The following ZNF442 variants were observed in gnomAD, a reference collection of about 807,000 sequenced individuals.
ZNF442 encodes zinc finger protein 442.
A neutral mutation model predicts 57.0 loss-of-function variants in ZNF442; 45 were observed. That is an observed-to-expected ratio of 0.79 (90% CI 0.62 to 1.01). The LOEUF is 1.01. ZNF442 is among the 50% of genes least tolerant of loss of function. ZNF442 has a pLI of 0.00. For synonymous variants in ZNF442, 213 were observed against 241.8 expected (o/e 0.88, Z 1.10); for missense variants, 690 against 756.5 (o/e 0.91, Z 1.03).
rs540126364 is a variant in ZNF442, at chr19:12,347,186, A to C, written c.*2515T>G. 3 of 152,294 alleles carry C rather than the reference A, an allele frequency of 2.0e-5. No individual in the cohort carries two copies. In the East Asian group the frequency reaches 5.8e-4, roughly 29 times the overall value. The allele number at this position is 152,294 out of a possible 1,614,324, so 9.4% of individuals were successfully genotyped here. On this transcript the variant is annotated 3_prime_UTR_variant, in exon 6 of 6. Transcript: ENST00000242804. Reference sequence around the variant, plus strand: ...GTTATTCTCATGAATACTTCAATGAAACAGCTCTTATCAAGGCCCCCAGTG... The same window carrying C: ...GTTATTCTCATGAATACTTCAATGACACAGCTCTTATCAAGGCCCCCAGTG...
Position 12,349,984 on chromosome 19 carries a change from T to G in ZNF442, c.1601A>C (p.His534Pro). 1 of 1,614,230 alleles carries G rather than the reference T, an allele frequency of 6.2e-7. No homozygotes were observed. The highest frequency in any genetic ancestry group is 8.5e-7 in the Non-Finnish European group (1 of 1,180,030). Reference sequence around the variant, plus strand: ...CTTCTCTCCAGTGTGAATCCTTTCATGGACTTTTAAGTTACCAAAATGACT... The same window carrying G: ...CTTCTCTCCAGTGTGAATCCTTTCAGGGACTTTTAAGTTACCAAAATGACT... ...AFSHFGNLKVHERIHTGEKPY... is the reference protein window; with the variant it reads ...AFSHFGNLKVPERIHTGEKPY... The change falls in exon 6 of 6, where the codon CAT (histidine) becomes CCT (proline). Residue 534 changes from histidine (H) to proline (P), a missense_variant. His to Pro is a moderately conservative substitution (Grantham distance 77). Transcript: ENST00000242804.
At chr19:12,353,665 G>A (rs1180995160) in intron 3 of ZNF442, among the ~76,000 whole-genome samples, 2 of 152,152 alleles carry the variant, frequency 1.3e-5, no homozygotes, top group African/African-American at 4.8e-5. Flanking sequence ...AGCAGTGGGA[G>A]CATAGCTGAT....
rs1163253416 is a variant in ZNF442, at chr19:12,349,492, T to C, written c.*209A>G. 2.1e-6 allele frequency: 1 copy of C among 475,362 alleles called. No homozygotes were observed. The highest frequency in any genetic ancestry group is 2.0e-5 in the African/African-American group (1 of 51,202). 29.4% of individuals were successfully genotyped at this position (475,362 alleles called of 1,614,324 possible). A position where few individuals can be genotyped will look rare whatever the true frequency, so the allele number is the denominator to read the frequency against. Reference sequence around the variant, plus strand: ...AGGATGTGGATAGGTTACATGCAAATGTCCTTTTATAAAAGGAACACAGCA... The same window carrying C: ...AGGATGTGGATAGGTTACATGCAAACGTCCTTTTATAAAAGGAACACAGCA... On this transcript the variant is annotated 3_prime_UTR_variant, in exon 6 of 6. Transcript: ENST00000242804.
At chr19:12,371,315 C>T in the ZNF442 span, among the ~76,000 whole-genome samples, 18 of 152,268 alleles carry the variant, frequency 1.2e-4, no homozygotes, top group East Asian at 3.3e-3. Context: ...CACACACACA[C>T]TCACAATCTA....
In ZNF442 at chr19:12,355,160, G is replaced by A. The variant is rs573986191; in HGVS notation, c.79-2046C>T. 5.3e-5 allele frequency among the ~76,000 whole-genome samples: 8 copies of A among 151,218 alleles called. No individual in the cohort carries two copies. The East Asian group carries it at 1.2e-3, about 23-fold the overall frequency. ...CAAAAAACTAGCCGGGCGTGGTGGC[G>A]GGCACCTGTAGTCCCAGCTACTCGG... is the stretch of plus-strand genomic sequence containing the variant. On this transcript the variant is annotated intron_variant, in intron 3 of 5. Transcript: ENST00000242804.
chr19:12,350,050 G>C lies in ZNF442; in HGVS notation c.1535C>G (p.Ala512Gly), dbSNP rs1969192416. 1 of 1,613,494 alleles carries C rather than the reference G, an allele frequency of 6.2e-7. No homozygotes were observed. Among genetic ancestry groups the C allele is most frequent in the Non-Finnish European group, 8.5e-7 (1 of 1,179,952 alleles). ...YLSQHRRTHM[A>G]EKPYECKTCK... The stretch of plus-strand genomic sequence containing the variant: ...TGTTTTACATTCATAAGGTTTTTCA[G>C]CCATGTGAGTCCTTCTATGTTGAGA... Residue 512 changes from alanine to glycine, a missense_variant, in exon 6 of 6, where the codon GCT becomes GGT. Ala to Gly is a moderately conservative substitution (Grantham distance 60). Transcript: ENST00000242804.
rs924644194 is a variant in ZNF442 at position 12,351,474 on chromosome 19, C to T, written c.267-156G>A. On this transcript the variant is annotated intron_variant, in intron 5 of 5. Transcript: ENST00000242804. The stretch of plus-strand genomic sequence containing the variant: ...GGACTGAATGTTGTACAAGATAACT[C>T]GACCCCAGCTGTTTTCTTGACAATG... 3.3e-5 allele frequency among the ~76,000 whole-genome samples: 5 copies of T among 152,232 alleles called. No homozygotes were observed. In the South Asian group the frequency reaches 6.2e-4, roughly 19 times the overall value.
At chr19:12,361,680 CT>C (rs1462139028) in intron 3 of ZNF442, among the ~76,000 whole-genome samples, 3 of 148,580 alleles carry the variant, frequency 2.0e-5, no homozygotes, top group East Asian at 4.0e-4. Flanking sequence ...CCCCCTCCCC[CT>C]CTGCCTCCCC....
chr19:12,370,740 C>T (rs140070777), upstream of ZNF442, among the ~76,000 whole-genome samples: 445 of 152,014 alleles, frequency 2.9e-3, 2 homozygotes, highest in South Asian at 4.4e-3. Context: ...CTTGGCAGGC[C>T]GAGGCAGGTG....
intron 5 of ZNF442, 131 bp downstream of exon 5, chr19:12,351,879 T>C: frequency 1.4e-6 from 1 of 704,488 alleles, no homozygotes; most frequent in Non-Finnish European, 2.3e-6. Flanking sequence ...TATATGTTTC[T>C]GGAGAAAATT....
At chr19:12,359,499 T>C (rs1969388506) in intron 3 of ZNF442, among the ~76,000 whole-genome samples, 1 of 152,236 alleles carries the variant, frequency 6.6e-6, no homozygotes, top group South Asian at 2.1e-4. Flanking sequence ...TATGATTAGC[T>C]GAGCAGTTTT....
chr19:12,359,915 T>C (rs1599592525), intron 3 of ZNF442, among the ~76,000 whole-genome samples: 1 of 151,702 alleles, frequency 6.6e-6, no homozygotes, highest in Non-Finnish European at 1.5e-5. Context: ...GAGGTGGAGG[T>C]TGCAGTGAGC....
rs1287539581 is a variant in ZNF442, at chr19:12,348,557, C to T, written c.*1144G>A. On this transcript the variant is annotated 3_prime_UTR_variant, in exon 6 of 6. Transcript: ENST00000242804. ...GACAGATCCTTCAGTGTGTACACAT[C>T]TTCAGCCCTCATGCTGAACAGATTC... The T allele has an allele frequency of 6.6e-6, 1 of 152,294 alleles. No individual in the cohort carries two copies. The highest frequency in any genetic ancestry group is 1.5e-5 in the Non-Finnish European group (1 of 68,034). The allele number at this position is 152,294 out of a possible 1,614,324, so 9.4% of individuals were successfully genotyped here. A position where few individuals can be genotyped will look rare whatever the true frequency, so the allele number is the denominator to read the frequency against.
In ZNF442 at chr19:12,350,877, C is replaced by T. The variant is rs61735342; in HGVS notation, c.708G>A (p.Pro236=). Residue 236 remains proline, a synonymous_variant, in exon 6 of 6, where the codon CCG becomes CCA. Coordinates refer to ENST00000242804, the MANE Select transcript of ZNF442 (RefSeq NM_030824.3). ...CTTTACAACACTGCTTACATTCATACGGTTTCTCTCCAGTGTGAGTTCTTT... is the reference window on the plus strand; with the variant it reads ...CTTTACAACACTGCTTACATTCATATGGTTTCTCTCCAGTGTGAGTTCTTT... ...MHERTHTGEK[P]YECKQCCKAF... is the part of the protein sequence containing the mutation. 3,405 of 1,610,434 alleles carry T rather than the reference C, an allele frequency of 2.1e-3. 13 individuals carry two copies. Among genetic ancestry groups the T allele is most frequent in the Admixed American group, 2.8e-3 (168 of 59,744 alleles).
Position 12,346,805 on chromosome 19 carries a change from A to C in ZNF442, c.*2896T>G, listed in dbSNP as rs1225561886. 1 of 152,236 alleles carries C rather than the reference A, an allele frequency of 6.6e-6. No individual in the cohort carries two copies. Among genetic ancestry groups the C allele is most frequent in the African/African-American group, 2.4e-5 (1 of 41,470 alleles). The allele number at this position is 152,236 out of a possible 1,614,324, so 9.4% of individuals were successfully genotyped here. Reference sequence around the variant, plus strand: ...CCTGATACATGCTACCACATGGATAAACCTTGAAAACGTTCTAAGTGAAAT... The same window carrying C: ...CCTGATACATGCTACCACATGGATACACCTTGAAAACGTTCTAAGTGAAAT... On this transcript the variant is annotated 3_prime_UTR_variant, in exon 6 of 6. Transcript: ENST00000242804.
At chr19:12,366,120 G>T (rs1026930080), upstream of ZNF442, among the ~76,000 whole-genome samples, 3 of 152,170 alleles carry the variant, frequency 2.0e-5, no homozygotes, top group Non-Finnish European at 4.4e-5. Context: ...GGATGAGACT[G>T]CTGGCTCCAT....
intron 3 of ZNF442, among the ~76,000 whole-genome samples, chr19:12,359,943 A>G (rs1487118622): frequency 6.6e-6 from 1 of 151,976 alleles, no homozygotes; most frequent in Non-Finnish European, 1.5e-5. Context: ...ACGCCACTGC[A>G]TTCCAACATG....
upstream of ZNF442, among the ~76,000 whole-genome samples, chr19:12,370,177 A>G (rs1207726225): frequency 1.3e-5 from 2 of 150,914 alleles, no homozygotes; most frequent in Admixed American, 6.7e-5. Flanking sequence ...AATCAGTGGG[A>G]GCCCTGAGCT....
chr19:12,371,947 G>T, the ZNF442 span, among the ~76,000 whole-genome samples: 1,135 of 152,182 alleles, frequency 7.5e-3, 16 homozygotes, highest in African/African-American at 0.026. Flanking sequence ...TTGACAAGTG[G>T]GATCTAATTA....
Sources: gnomAD v4.1 joint callset for allele counts (sites outside exome capture counted in the v4.1 genomes callset) on GRCh38, gnomAD v4.1.1 for gene constraint, MANE v1.5 for transcripts, NCBI Gene and HGNC (gene_info 2026-07-23, HGNC 2026-07-21) for gene names.